PTPRM: variants seen among roughly 807,000 people sequenced by gnomAD.
PTPRM encodes receptor-type tyrosine-protein phosphatase mu.
In PTPRM, 47 loss-of-function variants were observed where a neutral mutation model predicts 186.7. The observed-to-expected ratio is 0.25, with a 90% CI of 0.20 to 0.32. The LOEUF is 0.32. PTPRM is among the 10% of genes least tolerant of loss of function. The pLI is 1.00. For missense variants in PTPRM, 1,494 were observed against 1,865.0 expected, an observed-to-expected ratio of 0.80 and a Z score of 3.66; for synonymous variants, 668 against 674.9, an observed-to-expected ratio of 0.99 and a Z score of 0.16.
chr18:7,842,893 A>T (rs1301556827), intron 2 of PTPRM, among the ~76,000 whole-genome samples: 1 of 137,992 alleles, frequency 7.2e-6, no homozygotes, highest in Non-Finnish European at 1.5e-5. Context: ...GTGTGTATAT[A>T]TATATATGTT....
chr18:7,830,280 T>C (rs1193724808), intron 2 of PTPRM, among the ~76,000 whole-genome samples: 1 of 152,112 alleles, frequency 6.6e-6, no homozygotes, highest in African/African-American at 2.4e-5. Flanking sequence ...GAGCCTCAGT[T>C]TCCCCCAGCC....
chr18:8,342,835 G>A (rs1383704076), intron 22 of PTPRM, among the ~76,000 whole-genome samples: 1 of 152,130 alleles, frequency 6.6e-6, no homozygotes, highest in Non-Finnish European at 1.5e-5. Context: ...TAAGGAAGTA[G>A]ATGGCTATTT....
chr18:7,689,038 G>A (rs1396515928), intron 1 of PTPRM, among the ~76,000 whole-genome samples: 1 of 152,142 alleles, frequency 6.6e-6, no homozygotes. Context: ...GTCCAAACAG[G>A]ATCTCAGCTA....
chr18:7,827,070 C>T (rs1413112612), intron 2 of PTPRM, among the ~76,000 whole-genome samples: 2 of 152,146 alleles, frequency 1.3e-5, no homozygotes, highest in African/African-American at 4.8e-5. Flanking sequence ...CCATTGTACC[C>T]CAGCCTGGGT....
chr18:7,711,899 G>A (rs1173062864), intron 1 of PTPRM, among the ~76,000 whole-genome samples: 1 of 152,250 alleles, frequency 6.6e-6, no homozygotes, highest in East Asian at 1.9e-4. Context: ...GGTGGCTGTG[G>A]GCATAGCTTT....
At chr18:7,855,301 C>A (rs182434759) in intron 2 of PTPRM, among the ~76,000 whole-genome samples, 17 of 152,278 alleles carry the variant, frequency 1.1e-4, no homozygotes, top group African/African-American at 3.6e-4. Context: ...GAGACATGGT[C>A]TCACATAAAG....
intron 7 of PTPRM, among the ~76,000 whole-genome samples, chr18:7,962,089 T>A (rs1371379626): frequency 1.3e-5 from 2 of 152,198 alleles, no homozygotes; most frequent in African/African-American, 4.8e-5. Context: ...TGTGAAACGT[T>A]CAGTGTCTGC....
chr18:8,134,151 TG>T (rs1321695417), intron 13 of PTPRM, among the ~76,000 whole-genome samples: 8 of 152,172 alleles, frequency 5.3e-5, no homozygotes, highest in Non-Finnish European at 7.4e-5. Flanking sequence ...GACTACATTG[TG>T]CATAGACAGG....
intron 1 of PTPRM, among the ~76,000 whole-genome samples, chr18:7,731,287 TAATC>T (rs554984942): frequency 3.7e-4 from 57 of 152,342 alleles, no homozygotes; most frequent in African/African-American, 1.3e-3. Context: ...TTACTGGTAA[TAATC>T]AATATCAGTT....
intron 3 of PTPRM, 32 bp from the exon 4 acceptor site, chr18:7,906,473 A>G (rs1209022285): frequency 2.0e-6 from 3 of 1,534,602 alleles, no homozygotes; most frequent in Admixed American, 1.7e-5. Flanking sequence ...GACAAAATGA[A>G]TAAATAATGT....
intron 2 of PTPRM, among the ~76,000 whole-genome samples, chr18:7,829,147 G>A (rs2045636915): frequency 6.6e-6 from 1 of 152,136 alleles, no homozygotes. Flanking sequence ...GAATATAGAT[G>A]ATGATAACAG....
intron 1 of PTPRM, among the ~76,000 whole-genome samples, chr18:7,591,637 G>A (rs73941937): frequency 0.024 from 3,646 of 152,140 alleles, 155 homozygotes; most frequent in African/African-American, 0.083. Flanking sequence ...AAGAATTAAC[G>A]AAAATCTCCA....
chr18:8,063,409 C>T (rs904369735), intron 7 of PTPRM, among the ~76,000 whole-genome samples: 12 of 152,208 alleles, frequency 7.9e-5, no homozygotes, highest in African/African-American at 2.7e-4. Context: ...CACCCGTCTT[C>T]TGCGTCGCTC....
intron 1 of PTPRM, among the ~76,000 whole-genome samples, chr18:7,656,946 T>C (rs761514781): frequency 9.2e-5 from 14 of 152,092 alleles, no homozygotes; most frequent in Admixed American, 3.9e-4. Flanking sequence ...CCCCTTTCAC[T>C]GCTGTAAGGC....
intron 14 of PTPRM, among the ~76,000 whole-genome samples, chr18:8,235,708 G>C (rs2147198574): frequency 6.6e-6 from 1 of 151,866 alleles, no homozygotes; most frequent in South Asian, 2.1e-4. Context: ...TGTGCATCCA[G>C]TGCTACAAAT....
chr18:8,324,343 C>A (rs537447859), intron 22 of PTPRM, among the ~76,000 whole-genome samples: 6 of 152,158 alleles, frequency 3.9e-5, no homozygotes, highest in Non-Finnish European at 5.9e-5. Flanking sequence ...GCTGGGTTTT[C>A]TGCCTATCTG....
intron 1 of PTPRM, among the ~76,000 whole-genome samples, chr18:7,588,519 T>C (rs1038316961): frequency 1.3e-5 from 2 of 152,212 alleles, no homozygotes; most frequent in African/African-American, 4.8e-5. Flanking sequence ...TTTTATTGTA[T>C]AATTAGAAAA....
At chr18:8,113,439 A>G (rs368618239) in intron 11 of PTPRM, 47 bp from the exon 12 acceptor site, 11 of 1,549,896 alleles carry the variant, frequency 7.1e-6, no homozygotes, top group African/African-American at 6.8e-5. Flanking sequence ...AGAGTGGATC[A>G]GTTCAGTTAT....
At chr18:7,919,027 C>T (rs2050714562) in intron 4 of PTPRM, among the ~76,000 whole-genome samples, 1 of 152,114 alleles carries the variant, frequency 6.6e-6, no homozygotes, top group South Asian at 2.1e-4. Context: ...CCTGTTTTCC[C>T]AGCAGCAGTT....
Sources: allele counts gnomAD v4.1 joint callset (sites outside exome capture counted in the v4.1 genomes callset), GRCh38; gene constraint gnomAD v4.1.1; transcripts MANE v1.5; gene names NCBI Gene and HGNC (gene_info 2026-07-23, HGNC 2026-07-21).